ARHGAP24: variants seen among roughly 807,000 people sequenced by gnomAD.
ARHGAP24 encodes the protein Rho GTPase activating protein 24.
In ARHGAP24, 50 loss-of-function variants were observed where a neutral mutation model predicts 76.4. That is an observed-to-expected ratio of 0.65 (90% CI 0.52 to 0.83). The LOEUF is 0.83. Among genes scored for constraint, ARHGAP24 ranks in the 40% least tolerant of loss-of-function variants. The probability of loss-of-function intolerance (pLI) is 0.00; values close to 1 mark genes in which losing one functional copy is unlikely to be tolerated. For synonymous variants in ARHGAP24, 345 were observed against 323.3 expected (o/e 1.07, Z -0.72); for missense variants, 930 against 914.2 (o/e 1.02, Z -0.22).
chr4:85,662,998 C>T (rs1051665092), intron 2 of ARHGAP24, among the ~76,000 whole-genome samples: 17 of 151,966 alleles, frequency 1.1e-4, no homozygotes, highest in Non-Finnish European at 2.1e-4. Flanking sequence ...CTTGGTGATG[C>T]GGGCTCTTTT....
intron 3 of ARHGAP24, among the ~76,000 whole-genome samples, chr4:85,820,021 C>A (rs189116534): frequency 6.6e-6 from 1 of 152,286 alleles, no homozygotes; most frequent in Non-Finnish European, 1.5e-5. Flanking sequence ...TCAGGTATTT[C>A]TTTGTAGCAA....
intron 6 of ARHGAP24, among the ~76,000 whole-genome samples, chr4:85,973,775 G>A (rs1465977458): frequency 6.9e-6 from 1 of 144,982 alleles, no homozygotes; most frequent in Non-Finnish European, 1.5e-5. Flanking sequence ...TTTGTTAAAA[G>A]ACTATTCTTT....
chr4:85,973,158 C>T (rs1008407432), intron 6 of ARHGAP24, among the ~76,000 whole-genome samples: 12 of 152,166 alleles, frequency 7.9e-5, no homozygotes, highest in African/African-American at 2.2e-4. Flanking sequence ...CAGCAATGAG[C>T]GCAGATTCTG....
intron 3 of ARHGAP24, among the ~76,000 whole-genome samples, chr4:85,767,528 A>G (rs1726975244): frequency 1.3e-5 from 2 of 152,158 alleles, no homozygotes; most frequent in African/African-American, 4.8e-5. Flanking sequence ...TATGAGCCAT[A>G]AACACTGGAA....
At chr4:85,816,108 T>C (rs1198456086) in intron 3 of ARHGAP24, among the ~76,000 whole-genome samples, 2 of 152,136 alleles carry the variant, frequency 1.3e-5, no homozygotes, top group South Asian at 2.1e-4. Flanking sequence ...GTGGGAATTA[T>C]GGGAGTACAA....
rs1488742725 is a variant in ARHGAP24, at chr4:85,655,800, GAGAGAGAGAGAGAGAGAA to G, written c.181-66067_181-66050del. Among the ~76,000 whole-genome samples the G allele has an allele frequency of 5.0e-3, 233 of 46,536 alleles. 5 individuals carry two copies. Among genetic ancestry groups the G allele is most frequent in the East Asian group, 0.029 (31 of 1,070 alleles). The allele number at this position is 46,536 out of a possible 152,430, so 30.5% of individuals were successfully genotyped here. A position where few individuals can be genotyped will look rare whatever the true frequency, so the allele number is the denominator to read the frequency against. On this transcript the variant is annotated intron_variant, in intron 2 of 9. Transcript: ENST00000395184. ...ATATATATATATATATATAGAGAGA[GAGAGAGAGAGAGAGAGAA>G]AGAGAGAGAGAGAGAGAGAGAGAGA...
intron 1 of ARHGAP24, among the ~76,000 whole-genome samples, chr4:85,556,502 A>G (rs892684213): frequency 6.6e-6 from 1 of 152,126 alleles, no homozygotes; most frequent in African/African-American, 2.4e-5. Flanking sequence ...TTCCTTCCCC[A>G]GCCCGAGGAC....
At chr4:85,498,148 G>C (rs1723653814) in intron 1 of ARHGAP24, among the ~76,000 whole-genome samples, 1 of 152,154 alleles carries the variant, frequency 6.6e-6, no homozygotes, top group African/African-American at 2.4e-5. Flanking sequence ...CAAAATACTT[G>C]TTTGCCAAGA....
At chr4:85,967,644 C>G (rs1690479214) in intron 5 of ARHGAP24, among the ~76,000 whole-genome samples, 1 of 152,150 alleles carries the variant, frequency 6.6e-6, no homozygotes, top group African/African-American at 2.4e-5. Context: ...TTGGGCCTAT[C>G]TTGTGCTGCC....
At chr4:85,903,458 T>C (rs1451798091) in intron 3 of ARHGAP24, among the ~76,000 whole-genome samples, 7 of 152,120 alleles carry the variant, frequency 4.6e-5, no homozygotes, top group African/African-American at 1.4e-4. Flanking sequence ...GATATGTTTT[T>C]CCCAGAATCT....
chr4:85,746,272 C>T (rs767014149), intron 3 of ARHGAP24, among the ~76,000 whole-genome samples: 1 of 152,178 alleles, frequency 6.6e-6, no homozygotes, highest in African/African-American at 2.4e-5. Flanking sequence ...TGTTAAGAAT[C>T]ATTTAGTGTT....
chr4:85,668,991 G>A (rs1722731784), intron 2 of ARHGAP24, among the ~76,000 whole-genome samples: 1 of 152,100 alleles, frequency 6.6e-6, no homozygotes, highest in South Asian at 2.1e-4. Context: ...AGGTTCAGTG[G>A]TTGAATTTCT....
At chr4:85,945,695 G>C (rs1737211105) in intron 5 of ARHGAP24, among the ~76,000 whole-genome samples, 3 of 150,774 alleles carry the variant, frequency 2.0e-5, no homozygotes, top group Admixed American at 1.3e-4. Flanking sequence ...GGGAGGCAGA[G>C]GTTGCAGTGA....
intron 2 of ARHGAP24, among the ~76,000 whole-genome samples, chr4:85,690,722 T>G (rs1460072594): frequency 6.6e-6 from 1 of 151,716 alleles, no homozygotes; most frequent in Non-Finnish European, 1.5e-5. Flanking sequence ...CCTTTTTTTT[T>G]TTTGCTCTTA....
At chr4:85,507,172 T>A (rs1350082710) in intron 1 of ARHGAP24, among the ~76,000 whole-genome samples, 3 of 152,176 alleles carry the variant, frequency 2.0e-5, no homozygotes, top group Non-Finnish European at 4.4e-5. Context: ...TTCTGTTGGA[T>A]CACTGATCAC....
chr4:85,654,519 A>G (rs190229407), intron 2 of ARHGAP24, among the ~76,000 whole-genome samples: 5 of 152,328 alleles, frequency 3.3e-5, no homozygotes, highest in South Asian at 4.1e-4. Context: ...CATGACCCCA[A>G]TGAAAAGGTC....
intron 3 of ARHGAP24, among the ~76,000 whole-genome samples, chr4:85,731,077 A>G (rs1318859648): frequency 3.3e-5 from 5 of 151,772 alleles, no homozygotes; most frequent in African/African-American, 4.8e-5. Context: ...ATATATGTAT[A>G]TGTGTATGTA....
intron 2 of ARHGAP24, among the ~76,000 whole-genome samples, chr4:85,719,298 T>C (rs1724844121): frequency 6.6e-6 from 1 of 152,024 alleles, no homozygotes; most frequent in Non-Finnish European, 1.5e-5. Flanking sequence ...GAAAACTAGA[T>C]ATGATAAAAA....
chr4:85,482,774 C>G (rs766703141), intron 1 of ARHGAP24, among the ~76,000 whole-genome samples: 6 of 152,196 alleles, frequency 3.9e-5, no homozygotes, highest in Non-Finnish European at 5.9e-5. Flanking sequence ...ATTTAATCCT[C>G]ACAGTTCCTA....
Sources: allele counts gnomAD v4.1 joint callset (sites outside exome capture counted in the v4.1 genomes callset), GRCh38; gene constraint gnomAD v4.1.1; transcripts MANE v1.5; gene names NCBI Gene and HGNC (gene_info 2026-07-23, HGNC 2026-07-21).